The following ERCC3 variants were observed in gnomAD, a reference collection of about 807,000 sequenced individuals.
ERCC3 encodes general transcription and DNA repair factor IIH helicase/translocase subunit XPB.
A neutral mutation model predicts 94.2 loss-of-function variants in ERCC3; 66 were observed. That is an observed-to-expected ratio of 0.70 (90% CI 0.57 to 0.86). The LOEUF is 0.86. ERCC3 is among the 40% of genes least tolerant of loss of function. ERCC3 has a pLI of 0.00. For synonymous variants in ERCC3, 349 were observed against 369.1 expected (o/e 0.95, Z 0.63); for missense variants, 829 against 987.1 (o/e 0.84, Z 2.15).
chr2:127,268,420 A>G (rs1684449713), intron 12 of ERCC3, among the ~76,000 whole-genome samples: 1 of 151,858 alleles, frequency 6.6e-6, no homozygotes, highest in African/African-American at 2.4e-5. Flanking sequence ...CACCACACCC[A>G]GCTAGCTAAT....
At position 127,286,816 on chromosome 2, in the gene ERCC3, T is replaced by C; in HGVS notation, c.1229A>G (p.Tyr410Cys). 3 of 1,613,962 alleles carry C rather than the reference T, an allele frequency of 1.9e-6. No individual in the cohort carries two copies. Among genetic ancestry groups the C allele is most frequent in the Non-Finnish European group, 2.5e-6 (3 of 1,179,980 alleles). ...PIGCSVAIST[Y>C]SMLGHTTKRS... is the part of the protein sequence containing the mutation. ...TTTGGTGGTGTGGCCCAGCATGGAG[T>C]AGGTGCTAATGGCAACGGAGCAGCC... The change falls in exon 8 of 15, where the codon TAC (tyrosine) becomes TGC (cysteine). Residue 410 changes from tyrosine (Y) to cysteine (C), a missense_variant. Transcript: ENST00000285398.
chr2:127,266,915 C>T (rs186681353), intron 12 of ERCC3, among the ~76,000 whole-genome samples: 54 of 152,056 alleles, frequency 3.6e-4, no homozygotes, highest in East Asian at 1.9e-4. Flanking sequence ...GGGGTTTCAC[C>T]GTGTTGCCCA....
chr2:127,286,807 A>G lies in ERCC3; in HGVS notation c.1238T>C (p.Leu413Pro), dbSNP rs746634537. Residue 413 changes from leucine to proline, a missense_variant, in exon 8 of 15, where the codon CTG becomes CCG. Transcript: ENST00000285398. ...CSVAISTYSM[L>P]GHTTKRSWEA... Reference sequence around the variant, plus strand: ...CCAGGACCTTTTGGTGGTGTGGCCCAGCATGGAGTAGGTGCTAATGGCAAC... The same window carrying G: ...CCAGGACCTTTTGGTGGTGTGGCCCGGCATGGAGTAGGTGCTAATGGCAAC... 2.5e-6 allele frequency: 4 copies of G among 1,614,214 alleles called. No homozygotes were observed. In the East Asian group the frequency reaches 8.9e-5, roughly 36 times the overall value.
rs1185262101 is a variant in ERCC3, at chr2:127,274,399, T to C, written c.1731-1438A>G. ...TCAGCATTGTAAAAGACAGGTTTCA[T>C]GTTCCCCAATTTACATGTGGGAAAC... On this transcript the variant is annotated intron_variant, in intron 10 of 14. Transcript: ENST00000285398. This position sits in a 1 kb window ranked among gnomAD's most constrained non-coding sequence, Gnocchi z 4.0. 1.3e-5 allele frequency among the ~76,000 whole-genome samples: 2 copies of C among 152,102 alleles called. No homozygotes were observed. Among genetic ancestry groups the C allele is most frequent in the East Asian group, 1.9e-4 (1 of 5,194 alleles).
At chr2:127,269,622 C>A (rs897890215) in intron 12 of ERCC3, among the ~76,000 whole-genome samples, 1 of 151,142 alleles carries the variant, frequency 6.6e-6, no homozygotes. Context: ...GGGGTTTCAC[C>A]ATGTTAGCCA....
Position 127,284,379 on chromosome 2 carries a change from T to A in ERCC3, c.1342+2324A>T, listed in dbSNP as rs912661962. 6.6e-6 allele frequency: 1 copy of A among 152,392 alleles called. No individual in the cohort carries two copies. The highest frequency in any genetic ancestry group is 2.4e-5 in the African/African-American group (1 of 41,478). 9.4% of individuals were successfully genotyped at this position (152,392 alleles called of 1,614,324 possible). A position where few individuals can be genotyped will look rare whatever the true frequency, so the allele number is the denominator to read the frequency against. The stretch of plus-strand genomic sequence containing the variant: ...GCTAATCTTCCTCAGCCTTGACTAC[T>A]GTTCCTATGCTCTCCTCTGGCCGCA... On this transcript the variant is annotated intron_variant, in intron 8 of 14. Transcript: ENST00000285398. The surrounding 1 kb of genome is among the most constrained non-coding windows in gnomAD (Gnocchi z 4.1).
chr2:127,273,066 A>G, intron 10 of ERCC3, 105 bp from the exon 11 acceptor site: 2 of 753,150 alleles, frequency 2.7e-6, no homozygotes, highest in African/African-American at 3.5e-5. Flanking sequence ...TCAAGTAGAA[A>G]GCCCTCGTCA....
Position 127,294,143 on chromosome 2 carries a change from C to T in ERCC3, c.-62G>A, listed in dbSNP as rs1354672195. ...CCACAGGCCCGCCGCGGCATCCGCT[C>T]TGGGGGGACTTCCGGCTCAATCCGG... On this transcript the variant is annotated 5_prime_UTR_variant, in exon 1 of 15. Coordinates refer to ENST00000285398, the MANE Select transcript of ERCC3 (RefSeq NM_000122.2). 1.9e-6 allele frequency: 3 copies of T among 1,577,766 alleles called. No homozygotes were observed. Among genetic ancestry groups the T allele is most frequent in the East Asian group, 2.3e-5 (1 of 43,706 alleles).
intron 8 of ERCC3, among the ~76,000 whole-genome samples, chr2:127,285,729 T>C (rs950449203): frequency 6.6e-6 from 1 of 151,880 alleles, no homozygotes; most frequent in Non-Finnish European, 1.5e-5. Context: ...TACACACCTG[T>C]AGTCCCAGCT....
intron 8 of ERCC3, among the ~76,000 whole-genome samples, chr2:127,283,426 C>A (rs1320737391): frequency 2.0e-5 from 3 of 152,220 alleles, no homozygotes; most frequent in African/African-American, 4.8e-5. Context: ...CAAGTTTGTT[C>A]TTTTTCACTA....
At chr2:127,289,176 A>C (rs753186342) in intron 6 of ERCC3, among the ~76,000 whole-genome samples, 161 bp downstream of exon 6, 1 of 152,230 alleles carries the variant, frequency 6.6e-6, no homozygotes, top group Non-Finnish European at 1.5e-5. Context: ...CATCAGGAGA[A>C]ATGATGCCAT....
intron 2 of ERCC3, 38 bp from the exon 3 acceptor site, chr2:127,292,884 A>G (rs1001516191): frequency 2.2e-6 from 3 of 1,352,854 alleles, no homozygotes; most frequent in Non-Finnish European, 3.2e-6. Context: ...ACAAGGAAAC[A>G]TGAGTTGCAG....
At chr2:127,272,394 C>T (rs1400363488) in intron 11 of ERCC3, among the ~76,000 whole-genome samples, 2 of 152,104 alleles carry the variant, frequency 1.3e-5, no homozygotes, top group Non-Finnish European at 2.9e-5. Context: ...TGTGGGGCTA[C>T]AGCTTCTGAT....
Position 127,271,393 on chromosome 2 carries a change from C to T in ERCC3, c.1888G>A (p.Gly630Ser), listed in dbSNP as rs1488774317. The change falls in exon 12 of 15, where the codon GGT becomes AGT. Residue 630 changes from glycine (G) to serine (S), a missense_variant. By Grantham distance (56) the Gly-to-Ser change is moderately conservative (BLOSUM62 0). Coordinates refer to ENST00000285398, the MANE Select transcript of ERCC3 (RefSeq NM_000122.2). This position sits in a 1 kb window ranked among gnomAD's most constrained non-coding sequence, Gnocchi z 5.0. Reference protein sequence around the residue: ...ANVLIQISSHGGSRRQEAQRL... With the variant: ...ANVLIQISSHSGSRRQEAQRL... ...TGGGCTTCCTGACGCCTGGAGCCAC[C>T]ATGGGATGAGATCTGAATGAGGACA... The T allele has an allele frequency of 1.9e-6, 3 of 1,614,118 alleles. No homozygotes were observed. Among genetic ancestry groups the T allele is most frequent in the Non-Finnish European group, 2.5e-6 (3 of 1,180,012 alleles).
chr2:127,267,301 A>C (rs922765472), intron 12 of ERCC3, among the ~76,000 whole-genome samples: 7 of 152,178 alleles, frequency 4.6e-5, no homozygotes, highest in Non-Finnish European at 1.0e-4. Flanking sequence ...ATATATATTT[A>C]GGATAGTTAA....
rs752371255 is a variant in ERCC3, at chr2:127,292,862, T to A, written c.235-16A>T. The A allele has an allele frequency of 5.8e-5, 87 of 1,510,582 alleles. No homozygotes were observed. Among genetic ancestry groups the A allele is most frequent in the Non-Finnish European group, 7.4e-5 (80 of 1,087,868 alleles). The allele number at this position is 1,510,582 out of a possible 1,614,324, so 93.6% of individuals were successfully genotyped here. A position where few individuals can be genotyped will look rare whatever the true frequency, so the allele number is the denominator to read the frequency against. On this transcript the variant is annotated splice_polypyrimidine_tract_variant and intron_variant, in intron 2 of 14. Coordinates refer to ENST00000285398, the MANE Select transcript of ERCC3 (RefSeq NM_000122.2). ...CATCGGGAGCCTGAGAGATACCAAA[T>A]GGACAAAACAGACAAGGAAACATGA...
At chr2:127,289,905 C>A in intron 4 of ERCC3, 81 bp from the exon 5 acceptor site, 1 of 1,496,268 alleles carries the variant, frequency 6.7e-7, no homozygotes, top group Non-Finnish European at 9.3e-7. Flanking sequence ...ATTAGATGGT[C>A]TGGAAATACA....
In ERCC3 at chr2:127,292,651, T is replaced by A; in HGVS notation, c.430A>T (p.Ser144Cys). Reference protein sequence around the residue: ...SDITEYLRKLSKTGVPDGIMQ... With the variant: ...SDITEYLRKLCKTGVPDGIMQ... ...ATTCCATCAGGGACTCCAGTCTTGC[T>A]GAGCTTCCTGAGGTACTCGGTGATG... The change falls in exon 3 of 15, where the codon AGC (serine) becomes TGC (cysteine). Residue 144 changes from serine to cysteine, a missense_variant. By Grantham distance (112) the Ser-to-Cys change is moderately radical. Coordinates refer to ENST00000285398, the MANE Select transcript of ERCC3 (RefSeq NM_000122.2). The A allele has an allele frequency of 1.2e-6, 2 of 1,613,314 alleles. No individual in the cohort carries two copies. Among genetic ancestry groups the A allele is most frequent in the Non-Finnish European group, 1.7e-6 (2 of 1,179,184 alleles).
At chr2:127,293,914 C>G (rs1414820320) in intron 1 of ERCC3, 140 bp downstream of exon 1, 2 of 1,527,064 alleles carry the variant, frequency 1.3e-6, no homozygotes, top group Admixed American at 4.0e-5. Flanking sequence ...CTCTCCCGCC[C>G]AAAGGCCTGT....
Sources: allele counts gnomAD v4.1 joint callset (sites outside exome capture counted in the v4.1 genomes callset), GRCh38; gene constraint gnomAD v4.1.1; non-coding constraint Gnocchi (gnomAD v3.1); transcripts MANE v1.5; gene names NCBI Gene and HGNC (gene_info 2026-07-23, HGNC 2026-07-21).